Variants in PLCB2 observed in about 807,000 individuals in gnomAD.
PLCB2 encodes the protein 1-phosphatidylinositol 4,5-bisphosphate phosphodiesterase beta-2.
In PLCB2, 115 loss-of-function variants were observed where a neutral mutation model predicts 141.7. The observed-to-expected ratio is 0.81, with a 90% CI of 0.70 to 0.95. PLCB2 has a LOEUF of 0.95. Among genes scored for constraint, PLCB2 ranks in the 40% least tolerant of loss-of-function variants. The probability of loss-of-function intolerance (pLI) is 0.00; values close to 1 mark genes in which losing one functional copy is unlikely to be tolerated. For synonymous variants in PLCB2, 603 were observed against 595.6 expected (o/e 1.01, Z -0.18); for missense variants, 1,403 against 1,541.1 (o/e 0.91, Z 1.50).
chr15:40,293,692 G>A lies in PLCB2; in HGVS notation c.2094C>T (p.Ser698=), dbSNP rs760697526. The part of the protein sequence containing the change: ...VISGQFLSER[S]VRTYVEVELF... ...GCTCCACTTCTACATAGGTGCGCAC[G>A]CTGCGTTCTGACAGGAACTGCCCAG... is the stretch of plus-strand genomic sequence containing the variant. The change falls in exon 20 of 32, where the codon AGC becomes AGT. Residue 698 remains serine (S), a synonymous_variant. Transcript: ENST00000260402. 1.7e-5 allele frequency: 27 copies of A among 1,613,462 alleles called. No individual in the cohort carries two copies. The South Asian group carries it at 2.4e-4, about 14-fold the overall frequency.
Position 40,302,580 on chromosome 15 carries a change from C to G in PLCB2, c.261G>C (p.Met87Ile). Residue 87 changes from methionine (M) to isoleucine (I), a missense_variant, in exon 4 of 32, where the codon ATG (methionine) becomes ATC (isoleucine). Around this residue, in one of 4 missense-constraint regions of PLCB2, gnomAD observed 975 missense variants for 1,141.1 expected, o/e 0.85. Transcript: ENST00000260402. ...GCAGGAAACTGTTATCAGGAAAGTC[C>G]ATGTTGAAGACGTCCCGGAGCTTCT... The part of the protein sequence containing the change: ...KSQKLRDVFN[M>I]DFPDNSFLLK... The G allele has an allele frequency of 6.2e-7, 1 of 1,614,208 alleles. No individual in the cohort carries two copies. Among genetic ancestry groups the G allele is most frequent in the African/African-American group, 1.3e-5 (1 of 75,064 alleles).
downstream of PLCB2, chr15:40,285,657 G>T: frequency 2.0e-6 from 2 of 985,414 alleles, no homozygotes; most frequent in South Asian, 9.4e-5. Context: ...CAGAAGAAAG[G>T]CTTTTCTTCC....
rs113851390 is a variant in PLCB2, at chr15:40,292,863, G to T, written c.2326+63C>A. On this transcript the variant is annotated intron_variant, in intron 21 of 31. Transcript: ENST00000260402. ...CACTCCAGGCCCCCTCCCAGAAGCT[G>T]CCCCACCCTGTGCACAGGCTCCTGC... is the stretch of plus-strand genomic sequence containing the variant. The T allele has an allele frequency of 1.2e-3, 1,323 of 1,086,178 alleles. 11 individuals carry two copies. In the African/African-American group the frequency reaches 0.019, roughly 16 times the overall value. 67.3% of individuals were successfully genotyped at this position (1,086,178 alleles called of 1,614,324 possible).
chr15:40,295,076 G>T lies in PLCB2; in HGVS notation c.1782-16C>A. On this transcript the variant is annotated splice_polypyrimidine_tract_variant and intron_variant, in intron 17 of 31. Coordinates refer to ENST00000260402, the MANE Select transcript of PLCB2 (RefSeq NM_004573.3). The stretch of plus-strand genomic sequence containing the variant: ...CTTGTTGTAGCTGTCCCTGAGTTTA[G>T]GACCCTAGCCAAGGCCATCTGCACC... 2 of 1,610,928 alleles carry T rather than the reference G, an allele frequency of 1.2e-6. No homozygotes were observed. The highest frequency in any genetic ancestry group is 1.7e-6 in the Non-Finnish European group (2 of 1,177,710).
intron 1 of PLCB2, among the ~76,000 whole-genome samples, chr15:40,307,276 G>T (rs8027731): frequency 0.035 from 5,337 of 152,224 alleles, 294 homozygotes; most frequent in African/African-American, 0.12. Context: ...CAGCTCTGGG[G>T]TGCACTTTCC....
Position 40,298,848 on chromosome 15 carries a change from A to G in PLCB2, c.800T>C (p.Val267Ala), listed in dbSNP as rs1311376016. ...LLFPPARPDQ[V>A]QGLIDKYEPS... ...CTCATACTTGTCGATGAGGCCCTGC[A>G]CCTGGTCAGGCCGTGCTGGCGGGAA... Residue 267 changes from valine to alanine, a missense_variant, in exon 9 of 32, where the codon GTG (valine) becomes GCG (alanine). Around this residue, in one of 4 missense-constraint regions of PLCB2, gnomAD observed 975 missense variants for 1,141.1 expected, o/e 0.85. Transcript: ENST00000260402. The G allele has an allele frequency of 6.2e-7, 1 of 1,613,774 alleles. No homozygotes were observed. The highest frequency in any genetic ancestry group is 8.5e-7 in the Non-Finnish European group (1 of 1,180,008).
Position 40,301,881 on chromosome 15 carries a change from C to T in PLCB2, c.582+76G>A. The stretch of plus-strand genomic sequence containing the variant: ...TGTGATGTCACCTCTGCTCCCCCAC[C>T]CACCATTCCTGGCCAAGTTGCTTTC... On this transcript the variant is annotated intron_variant, in intron 7 of 31. Coordinates refer to ENST00000260402, the MANE Select transcript of PLCB2 (RefSeq NM_004573.3). 7 of 1,316,716 alleles carry T rather than the reference C, an allele frequency of 5.3e-6. No individual in the cohort carries two copies. In the South Asian group the frequency reaches 8.4e-5, roughly 16 times the overall value. The allele number at this position is 1,316,716 out of a possible 1,614,324, so 81.6% of individuals were successfully genotyped here.
In PLCB2 at chr15:40,297,794, C is replaced by G; in HGVS notation, c.1238+83G>C. The G allele has an allele frequency of 8.8e-7, 1 of 1,135,556 alleles. No homozygotes were observed. The highest frequency in any genetic ancestry group is 1.3e-5 in the South Asian group (1 of 77,862). The allele number at this position is 1,135,556 out of a possible 1,614,324, so 70.3% of individuals were successfully genotyped here. ...AGAAGCTGTAGGCAATGGTTAGAGG[C>G]TGGGGCAGTTGTGGGGAGGACAGTT... On this transcript the variant is annotated intron_variant, in intron 12 of 31. Transcript: ENST00000260402. The surrounding 1 kb of genome is among the most constrained non-coding windows in gnomAD (Gnocchi z 4.2).
chr15:40,299,060 G>A, intron 8 of PLCB2, 68 bp downstream of exon 8: 2 of 1,562,936 alleles, frequency 1.3e-6, no homozygotes, highest in Non-Finnish European at 1.8e-6. Context: ...TCCCGGCATG[G>A]CAGGTGGGAG....
Position 40,290,653 on chromosome 15 carries a change from T to C in PLCB2, c.3133A>G (p.Lys1045Glu), listed in dbSNP as rs758370393. 15 of 1,614,112 alleles carry C rather than the reference T, an allele frequency of 9.3e-6. No homozygotes were observed. The highest frequency in any genetic ancestry group is 1.3e-5 in the Non-Finnish European group (15 of 1,179,980). Reference protein sequence around the residue: ...TSENDTKEMKKKLETKRLERI... With the variant: ...TSENDTKEMKEKLETKRLERI... Reference sequence around the variant, plus strand: ...TCCAGTCTCTTTGTCTCCAGCTTTTTCTTCATCTCTTTGGTGTCGCTGCAG... The same window carrying C: ...TCCAGTCTCTTTGTCTCCAGCTTTTCCTTCATCTCTTTGGTGTCGCTGCAG... The change falls in exon 29 of 32, where the codon AAA (lysine) becomes GAA (glutamate). Residue 1045 changes from lysine to glutamate, a missense_variant. Physicochemically the swap from Lys to Glu is moderately conservative, Grantham distance 56. Coordinates refer to ENST00000260402, the MANE Select transcript of PLCB2 (RefSeq NM_004573.3).
At chr15:40,301,860 A>T (rs893092665) in intron 7 of PLCB2, 97 bp downstream of exon 7, 25 of 1,053,512 alleles carry the variant, frequency 2.4e-5, no homozygotes, top group Non-Finnish European at 3.5e-5. Flanking sequence ...TGGGGCTGTG[A>T]TGTCACCTCT....
rs575975645 is a variant in PLCB2 at position 40,297,437 on chromosome 15, G to T, written c.1323+84C>A. 4.0e-6 allele frequency: 4 copies of T among 1,006,928 alleles called. No individual in the cohort carries two copies. Among genetic ancestry groups the T allele is most frequent in the Non-Finnish European group, 6.4e-6 (4 of 629,200 alleles). 62.4% of individuals were successfully genotyped at this position (1,006,928 alleles called of 1,614,324 possible). On this transcript the variant is annotated intron_variant, in intron 13 of 31. Transcript: ENST00000260402. The surrounding 1 kb of genome is among the most constrained non-coding windows in gnomAD (Gnocchi z 4.2). ...AAGTGAACCCTAGCATCCTCTGGGA[G>T]TGTCTCCCTCCCTAACCTGGTTCTC...
intron 20 of PLCB2, 57 bp from the exon 21 acceptor site, chr15:40,293,082 C>CT: frequency 1.9e-6 from 2 of 1,065,184 alleles, no homozygotes; most frequent in Non-Finnish European, 2.8e-6. Context: ...CAAGCTGACC[C>CT]CCTCCCTGGC....
Position 40,289,153 on chromosome 15 carries a change from C to A in PLCB2, c.3354+119G>T, listed in dbSNP as rs185088479. 18 of 1,046,022 alleles carry A rather than the reference C, an allele frequency of 1.7e-5. No homozygotes were observed. The African/African-American group carries it at 2.5e-4, about 15-fold the overall frequency. The allele number at this position is 1,046,022 out of a possible 1,614,324, so 64.8% of individuals were successfully genotyped here. A position where few individuals can be genotyped will look rare whatever the true frequency, so the allele number is the denominator to read the frequency against. On this transcript the variant is annotated intron_variant, in intron 31 of 31. Transcript: ENST00000260402. ...CATTTGAAAGGGCCTCGGGACCCCA[C>A]AGTGAAGGATGATGGCCCCCTTCCC...
At chr15:40,298,469 T>C in intron 10 of PLCB2, 89 bp from the exon 11 acceptor site, 1 of 1,597,756 alleles carries the variant, frequency 6.3e-7, no homozygotes, top group Middle Eastern at 1.7e-4. Flanking sequence ...GTCTGTGTTA[T>C]TCTCAGGGCC....
At chr15:40,295,340 G>T in intron 16 of PLCB2, 55 bp from the exon 17 acceptor site, 3 of 1,238,212 alleles carry the variant, frequency 2.4e-6, no homozygotes, top group Non-Finnish European at 3.6e-6. Context: ...CCCTCCCTCA[G>T]TCTTGGCCTC....
chr15:40,291,176 G>C lies in PLCB2; in HGVS notation c.2878C>G (p.Pro960Ala), dbSNP rs1162034643. The stretch of plus-strand genomic sequence containing the variant: ...GCGGCTCCGGCGCTCTCCTCGCGGG[G>C]CAGGCTCCTGGGGAGGCCACGTGGG... ...GKGSRKKRSL[P>A]REESAGAAPG... Residue 960 changes from proline to alanine, a missense_variant, in exon 27 of 32, where the codon CCC becomes GCC. By Grantham distance (27) the Pro-to-Ala change is conservative. Transcript: ENST00000260402. The C allele has an allele frequency of 1.9e-6, 3 of 1,571,118 alleles. No homozygotes were observed. The highest frequency in any genetic ancestry group is 1.1e-5 in the South Asian group (1 of 87,072).
chr15:40,297,694 G>A lies in PLCB2; in HGVS notation c.1239-89C>T. ...TTGTGCCCTTGATGACCCAGATCAGGGGCCAGGAGGTCAGGGAGGCTGGGA... is the reference window on the plus strand; with the variant it reads ...TTGTGCCCTTGATGACCCAGATCAGAGGCCAGGAGGTCAGGGAGGCTGGGA... On this transcript the variant is annotated intron_variant, in intron 12 of 31. Transcript: ENST00000260402. The surrounding 1 kb of genome is among the most constrained non-coding windows in gnomAD (Gnocchi z 4.2). The A allele has an allele frequency of 8.7e-7, 1 of 1,148,844 alleles. No individual in the cohort carries two copies. Among genetic ancestry groups the A allele is most frequent in the South Asian group, 1.3e-5 (1 of 75,242 alleles). The allele number at this position is 1,148,844 out of a possible 1,614,324, so 71.2% of individuals were successfully genotyped here. A position where few individuals can be genotyped will look rare whatever the true frequency, so the allele number is the denominator to read the frequency against.
intron 7 of PLCB2, among the ~76,000 whole-genome samples, chr15:40,299,795 G>A (rs1353946542): frequency 6.6e-6 from 1 of 151,954 alleles, no homozygotes; most frequent in African/African-American, 2.4e-5. Context: ...CCACAGAATG[G>A]GATAAAATAT....
Sources: gnomAD v4.1 joint callset for allele counts (sites outside exome capture counted in the v4.1 genomes callset) on GRCh38, gnomAD v4.1.1 for gene constraint, gnomAD v4.1.1 regional missense constraint, Gnocchi (gnomAD v3.1) non-coding constraint, MANE v1.5 for transcripts, NCBI Gene and HGNC (gene_info 2026-07-23, HGNC 2026-07-21) for gene names.